The following FOXN3 variants were observed in gnomAD, a reference collection of about 807,000 sequenced individuals.
The protein encoded by FOXN3 is forkhead box N3, also known as forkhead box protein N3.
In FOXN3, 7 loss-of-function variants were observed where a neutral mutation model predicts 38.4. The ratio of observed to expected loss-of-function variants is 0.18; its 90% CI spans 0.10 to 0.34. The LOEUF (loss-of-function observed/expected upper bound fraction) is 0.34, where lower values mean the gene tolerates loss of function less well. Ranked by LOEUF, FOXN3 falls within the 10% of genes least tolerant of loss-of-function variation. FOXN3 has a pLI of 1.00. For missense variants in FOXN3, 456 were observed against 613.4 expected, an observed-to-expected ratio of 0.74 and a Z score of 2.71; for synonymous variants, 230 against 242.2, an observed-to-expected ratio of 0.95 and a Z score of 0.47.
At chr14:89,418,962 C>T (rs569674861), upstream of FOXN3, among the ~76,000 whole-genome samples, 2 of 144,874 alleles carry the variant, frequency 1.4e-5, no homozygotes, top group South Asian at 4.7e-4. Context: ...GCTACACTCA[C>T]ACAATAGCCA....
At position 89,362,530 on chromosome 14, in the gene FOXN3, ACCACCACCACCATCTCCACCACCACCT is replaced by A. The variant is rs1453069699; in HGVS notation, c.544-11749_544-11723del. Among the ~76,000 whole-genome samples, 4 of 2,168 alleles carry A rather than the reference ACCACCACCACCATCTCCACCACCACCT, an allele frequency of 1.8e-3. 1 individual carries two copies. Among genetic ancestry groups the A allele is most frequent in the African/African-American group, 5.6e-3 (4 of 710 alleles). The allele number at this position is 2,168 out of a possible 152,430, so 1.4% of individuals were successfully genotyped here. A position where few individuals can be genotyped will look rare whatever the true frequency, so the allele number is the denominator to read the frequency against. The stretch of plus-strand genomic sequence containing the variant: ...CACCACCACCACCATCTCTACGACC[ACCACCACCACCATCTCCACCACCACCT>A]CCACCACCACCACCACCACCATCTC... On this transcript the variant is annotated intron_variant, in intron 2 of 5. Coordinates refer to ENST00000557258, the MANE Select transcript of FOXN3 (RefSeq NM_005197.4).
At chr14:89,540,343 T>C (rs1894769540) in intron 1 of FOXN3, among the ~76,000 whole-genome samples, 1 of 152,172 alleles carries the variant, frequency 6.6e-6, no homozygotes, top group African/African-American at 2.4e-5. Flanking sequence ...ATGCTTAACA[T>C]AGACCTAAAA....
At chr14:89,405,282 G>A (rs759685719) in intron 2 of FOXN3, among the ~76,000 whole-genome samples, 2 of 151,990 alleles carry the variant, frequency 1.3e-5, no homozygotes, top group African/African-American at 2.4e-5. Flanking sequence ...GATTACAGGC[G>A]CCCGCCACCA....
chr14:89,269,554 C>T (rs180801256), intron 4 of FOXN3, among the ~76,000 whole-genome samples: 2 of 151,678 alleles, frequency 1.3e-5, no homozygotes, highest in Non-Finnish European at 1.5e-5. Context: ...CCTTCACTGG[C>T]TACTTTACAG....
At chr14:89,461,645 C>T (rs1301668780) in intron 1 of FOXN3, among the ~76,000 whole-genome samples, 1 of 152,148 alleles carries the variant, frequency 6.6e-6, no homozygotes, top group Non-Finnish European at 1.5e-5. Flanking sequence ...AGCACAATAA[C>T]TATGATTTGT....
chr14:89,260,519 G>A (rs1885765347), intron 4 of FOXN3, among the ~76,000 whole-genome samples: 1 of 152,240 alleles, frequency 6.6e-6, no homozygotes, highest in Admixed American at 6.5e-5. Flanking sequence ...ACTCCTGGCT[G>A]GCACAGCCTG....
At chr14:89,501,899 C>T (rs1455386271) in intron 1 of FOXN3, among the ~76,000 whole-genome samples, 2 of 152,182 alleles carry the variant, frequency 1.3e-5, no homozygotes, top group Admixed American at 6.5e-5. Context: ...GGTGCGATGG[C>T]TCACACCTGT....
chr14:89,288,728 A>C (rs9796402), intron 3 of FOXN3, among the ~76,000 whole-genome samples: 39 of 27,300 alleles, frequency 1.4e-3, no homozygotes, highest in African/African-American at 5.2e-3. Context: ...CTCTCTCTAT[A>C]TATATATATA....
At chr14:89,247,490 A>G (rs139676185) in intron 4 of FOXN3, among the ~76,000 whole-genome samples, 55 of 152,294 alleles carry the variant, frequency 3.6e-4, no homozygotes, top group Admixed American at 3.2e-3. Flanking sequence ...CTTCTACTAT[A>G]GGCCAGAATT....
At chr14:89,319,650 A>G (rs549972590) in intron 3 of FOXN3, among the ~76,000 whole-genome samples, 4 of 152,146 alleles carry the variant, frequency 2.6e-5, no homozygotes, top group African/African-American at 9.6e-5. Context: ...ACACCAACCA[A>G]GGGCTAACCT....
intron 1 of FOXN3, among the ~76,000 whole-genome samples, chr14:89,595,527 T>C (rs1896041284): frequency 1.3e-5 from 2 of 152,234 alleles, no homozygotes; most frequent in African/African-American, 4.8e-5. Context: ...ACAATTTACT[T>C]TTTTCATATT....
At chr14:89,207,257 C>A (rs1353201805) in intron 4 of FOXN3, among the ~76,000 whole-genome samples, 2 of 151,914 alleles carry the variant, frequency 1.3e-5, no homozygotes, top group Non-Finnish European at 2.9e-5. Context: ...AACAAAACAA[C>A]ACAACTCCTC....
intron 1 of FOXN3, among the ~76,000 whole-genome samples, chr14:89,475,571 C>A (rs1217791150): frequency 6.6e-6 from 1 of 152,182 alleles, no homozygotes; most frequent in Non-Finnish European, 1.5e-5. Flanking sequence ...GGGGAAATCA[C>A]TTGAGCCCCG....
intron 3 of FOXN3, among the ~76,000 whole-genome samples, chr14:89,348,750 A>G (rs1888853382): frequency 6.6e-6 from 1 of 151,302 alleles, no homozygotes; most frequent in Non-Finnish European, 1.5e-5. Flanking sequence ...TCATTACAAA[A>G]GCTCTGGTTC....
chr14:89,597,344 T>C (rs2092400054), intron 1 of FOXN3, among the ~76,000 whole-genome samples: 1 of 152,212 alleles, frequency 6.6e-6, no homozygotes, highest in Non-Finnish European at 1.5e-5. Flanking sequence ...TACTCTATGA[T>C]TTCCATCAAT....
chr14:89,402,668 A>G (rs531579758), intron 2 of FOXN3, among the ~76,000 whole-genome samples: 18 of 151,938 alleles, frequency 1.2e-4, no homozygotes, highest in Admixed American at 3.9e-4. Flanking sequence ...CCTTCCCTGC[A>G]CTCCCCTTCT....
chr14:89,595,447 T>C (rs1196855234), intron 1 of FOXN3, among the ~76,000 whole-genome samples: 5 of 152,234 alleles, frequency 3.3e-5, no homozygotes, highest in Admixed American at 1.3e-4. Flanking sequence ...GTTAGATTTA[T>C]TCCTAGATAA....
chr14:89,255,067 C>T (rs1885575302), intron 4 of FOXN3, among the ~76,000 whole-genome samples: 1 of 152,160 alleles, frequency 6.6e-6, no homozygotes, highest in South Asian at 2.1e-4. Flanking sequence ...TTCCCAGAGG[C>T]CAGGGGCTAC....
At chr14:89,589,540 A>G (rs2139923514) in intron 1 of FOXN3, among the ~76,000 whole-genome samples, 1 of 152,224 alleles carries the variant, frequency 6.6e-6, no homozygotes, top group East Asian at 1.9e-4. Flanking sequence ...CGACTGCATA[A>G]GGGGAAGAAG....
Sources: gnomAD v4.1 joint callset for allele counts (sites outside exome capture counted in the v4.1 genomes callset) on GRCh38, gnomAD v4.1.1 for gene constraint, MANE v1.5 for transcripts, NCBI Gene and HGNC (gene_info 2026-07-23, HGNC 2026-07-21) for gene names.